Variants in FCF1 observed in about 807,000 individuals in gnomAD.
FCF1 encodes FCF1 rRNA-processing protein.
Under a neutral mutation model 32.5 loss-of-function variants are expected in FCF1, and 17 were observed. The ratio of observed to expected loss-of-function variants is 0.52; its 90% CI spans 0.36 to 0.78. The LOEUF is 0.78. Among genes scored for constraint, FCF1 ranks in the 30% least tolerant of loss-of-function variants. The pLI is 0.00. For synonymous variants in FCF1, 84 were observed against 78.4 expected (o/e 1.07, Z -0.38); for missense variants, 201 against 241.1 (o/e 0.83, Z 1.10).
intron 5 of FCF1, among the ~76,000 whole-genome samples, chr14:74,724,799 G>A (rs1315380607): frequency 1.3e-5 from 2 of 152,104 alleles, no homozygotes; most frequent in Non-Finnish European, 2.9e-5. Flanking sequence ...CAGCTATTCG[G>A]GAGGCTGAGG....
chr14:74,729,874 C>T (rs959869279), intron 5 of FCF1, among the ~76,000 whole-genome samples: 10 of 152,272 alleles, frequency 6.6e-5, no homozygotes, highest in Middle Eastern at 3.4e-3. Context: ...AGTAGTCATT[C>T]AGGAGCAGGT....
At chr14:74,719,450 T>G (rs1191484977) in intron 4 of FCF1, among the ~76,000 whole-genome samples, 1 of 151,406 alleles carries the variant, frequency 6.6e-6, no homozygotes, top group South Asian at 2.1e-4. Context: ...TGTGACCGCA[T>G]CTCTACAAAA....
intron 7 of FCF1, 68 bp downstream of exon 7, chr14:74,734,238 T>C (rs2090676584): frequency 2.2e-6 from 2 of 903,662 alleles, no homozygotes; most frequent in Admixed American, 3.9e-5. Context: ...TGAGGATAAG[T>C]GATAAGGTTA....
chr14:74,718,129 T>A (rs920903176), intron 4 of FCF1, among the ~76,000 whole-genome samples: 40 of 152,122 alleles, frequency 2.6e-4, no homozygotes, highest in African/African-American at 8.4e-4. Context: ...CCTCCCGAAG[T>A]GCTGGGATTG....
chr14:74,728,038 G>A (rs2090595354), intron 5 of FCF1, among the ~76,000 whole-genome samples: 1 of 152,148 alleles, frequency 6.6e-6, no homozygotes, highest in Non-Finnish European at 1.5e-5. Flanking sequence ...CAGGTAGTGT[G>A]ATGCCTCCAG....
intron 5 of FCF1, among the ~76,000 whole-genome samples, chr14:74,728,278 A>G (rs999658127): frequency 6.6e-6 from 1 of 151,962 alleles, no homozygotes; most frequent in Non-Finnish European, 1.5e-5. Flanking sequence ...CTTTTATTTC[A>G]TTGAGCAGTG....
intron 4 of FCF1, among the ~76,000 whole-genome samples, chr14:74,717,298 G>A (rs1051888430): frequency 5.3e-5 from 8 of 151,928 alleles, no homozygotes; most frequent in African/African-American, 1.7e-4. Flanking sequence ...GGAGCTTGCA[G>A]TGAGCCGAGA....
intron 4 of FCF1, among the ~76,000 whole-genome samples, chr14:74,716,465 C>T (rs1411116075): frequency 6.6e-6 from 1 of 152,064 alleles, no homozygotes; most frequent in East Asian, 1.9e-4. Flanking sequence ...TCCCTTTTGC[C>T]CCAGTGTTGA....
intron 4 of FCF1, among the ~76,000 whole-genome samples, chr14:74,719,690 G>A (rs552910416): frequency 7.9e-5 from 12 of 152,202 alleles, no homozygotes; most frequent in African/African-American, 2.9e-4. Flanking sequence ...ACTTAAGCCT[G>A]GGAGGTCGAG....
At chr14:74,720,365 TTC>T (rs1220895424) in intron 4 of FCF1, among the ~76,000 whole-genome samples, 2 of 152,116 alleles carry the variant, frequency 1.3e-5, no homozygotes, top group Non-Finnish European at 2.9e-5. Flanking sequence ...ACCCTCACCA[TTC>T]TCTCTATTTC....
rs35099474 is a variant in FCF1, at chr14:74,720,879, GTT to G, written c.293-2377_293-2376del. Among the ~76,000 whole-genome samples, 960 of 126,748 alleles carry G rather than the reference GTT, an allele frequency of 7.6e-3. 6 individuals are homozygous for G. The highest frequency in any genetic ancestry group is 0.031 in the South Asian group (126 of 4,036). 83.2% of individuals were successfully genotyped at this position (126,748 alleles called of 152,430 possible). A position where few individuals can be genotyped will look rare whatever the true frequency, so the allele number is the denominator to read the frequency against. ...CATGTTGCCCAAGTTTTTGGGGTTT[GTT>G]TTTTTTTTTTTTTTTGAGACAGGCT... On this transcript the variant is annotated intron_variant, in intron 4 of 7. Transcript: ENST00000341162.
In FCF1 at chr14:74,723,321, G is replaced by T. The variant is rs34238686; in HGVS notation, c.342G>T (p.Gly114=). The change falls in exon 5 of 8, where the codon GGG becomes GGT. Residue 114 remains glycine (G), a synonymous_variant. Coordinates refer to ENST00000341162, the MANE Select transcript of FCF1 (RefSeq NM_015962.5). ...TAATGGCTGAAATTGAGAAATTGGGGCAGAAGTATCGAGTGGCTCTAAGGT... is the reference window on the plus strand; with the variant it reads ...TAATGGCTGAAATTGAGAAATTGGGTCAGAAGTATCGAGTGGCTCTAAGGT... ...DCVMAEIEKL[G]QKYRVALRIA... 3,954 of 1,613,392 alleles carry T rather than the reference G, an allele frequency of 2.5e-3. 24 individuals carry two copies. Among genetic ancestry groups the T allele is most frequent in the South Asian group, 0.014 (1,235 of 91,062 alleles).
chr14:74,715,212 C>A (rs1177630232), intron 3 of FCF1, among the ~76,000 whole-genome samples: 1 of 151,956 alleles, frequency 6.6e-6, no homozygotes, highest in East Asian at 1.9e-4. Context: ...ACATAAGTGC[C>A]ATTGTTTAAC....
intron 4 of FCF1, among the ~76,000 whole-genome samples, chr14:74,722,065 T>TTTTTTTA (rs2090511486): frequency 6.7e-6 from 1 of 150,342 alleles, no homozygotes; most frequent in Admixed American, 6.6e-5. Context: ...TTTTTTTTTT[T>TTTTTTTA]GAGATGGAGT....
intron 5 of FCF1, among the ~76,000 whole-genome samples, chr14:74,729,809 T>C (rs1485869516): frequency 6.6e-6 from 1 of 152,186 alleles, no homozygotes; most frequent in African/African-American, 2.4e-5. Flanking sequence ...TGTGTCTTTG[T>C]TCTCGTTGGT....
chr14:74,718,068 T>C (rs1445080723), intron 4 of FCF1, among the ~76,000 whole-genome samples: 1 of 152,168 alleles, frequency 6.6e-6, no homozygotes, highest in East Asian at 1.9e-4. Flanking sequence ...TTTCACCATA[T>C]TGGTCAGGCT....
intron 5 of FCF1, among the ~76,000 whole-genome samples, chr14:74,726,930 G>T (rs1466800922): frequency 6.6e-6 from 1 of 151,748 alleles, no homozygotes; most frequent in African/African-American, 2.4e-5. Context: ...TACAAAGGAC[G>T]TGAACTCATC....
Position 74,734,974 on chromosome 14 carries a change from C to T in FCF1, c.*44C>T, listed in dbSNP as rs2090688269. 5.3e-6 allele frequency: 8 copies of T among 1,508,158 alleles called. No homozygotes were observed. The Admixed American group carries it at 1.0e-4, about 19-fold the overall frequency. The allele number at this position is 1,508,158 out of a possible 1,614,324, so 93.4% of individuals were successfully genotyped here. ...CCTCTGCCTTTCTTCGACCAACTTT[C>T]TCTTGTTGCCAGTTCATTACACAAA... On this transcript the variant is annotated 3_prime_UTR_variant, in exon 8 of 8. Coordinates refer to ENST00000341162, the MANE Select transcript of FCF1 (RefSeq NM_015962.5).
At chr14:74,726,830 C>T (rs1487243989) in intron 5 of FCF1, among the ~76,000 whole-genome samples, 1 of 145,844 alleles carries the variant, frequency 6.9e-6, no homozygotes, top group Non-Finnish European at 1.5e-5. Flanking sequence ...TTGTTCAGTT[C>T]CCACCTATGA....
Sources: allele counts gnomAD v4.1 joint callset (sites outside exome capture counted in the v4.1 genomes callset), GRCh38; gene constraint gnomAD v4.1.1; transcripts MANE v1.5; gene names NCBI Gene and HGNC (gene_info 2026-07-23, HGNC 2026-07-21).